PLEKHG1: variants seen among roughly 807,000 people sequenced by gnomAD.
PLEKHG1 encodes pleckstrin homology domain-containing family G member 1.
PLEKHG1 carries 44 observed loss-of-function variants against 100.8 expected under a neutral mutation model. That is an observed-to-expected ratio of 0.44 (90% confidence interval 0.34 to 0.56). The LOEUF (loss-of-function observed/expected upper bound fraction) is 0.56, where lower values mean the gene tolerates loss of function less well. Among genes scored for constraint, PLEKHG1 ranks in the 20% least tolerant of loss-of-function variants. The pLI, the probability that PLEKHG1 is intolerant of heterozygous loss-of-function variation, is 0.01. For synonymous variants in PLEKHG1, 640 were observed against 662.5 expected, an observed-to-expected ratio of 0.97 and a Z score of 0.52; for missense variants, 1,545 against 1,720.9, an observed-to-expected ratio of 0.90 and a Z score of 1.81.
chr6:150,727,267 T>C (rs1231901514), intron 1 of PLEKHG1, among the ~76,000 whole-genome samples: 1 of 152,178 alleles, frequency 6.6e-6, no homozygotes, highest in Non-Finnish European at 1.5e-5. Context: ...CTGTCTTGCC[T>C]CCTAAGTTTC....
chr6:150,665,246 A>G (rs1236666485), intron 3 of PLEKHG1, among the ~76,000 whole-genome samples: 1 of 152,070 alleles, frequency 6.6e-6, no homozygotes, highest in African/African-American at 2.4e-5. Flanking sequence ...ATTGTCACCC[A>G]CTCTTCCCCA....
At chr6:150,707,825 T>G (rs1404469599) in intron 3 of PLEKHG1, among the ~76,000 whole-genome samples, 1 of 152,094 alleles carries the variant, frequency 6.6e-6, no homozygotes, top group Non-Finnish European at 1.5e-5. Context: ...ACAGGTAAAG[T>G]CACTTTAAAA....
chr6:150,632,272 G>A lies in PLEKHG1; in HGVS notation c.-203-5808G>A, dbSNP rs569583643. On this transcript the variant is annotated intron_variant, in intron 1 of 3. Coordinates refer to the PLEKHG1 transcript ENST00000367326. ...GATTGTCTCTGGCTTACAAGTGATG[G>A]TTTTTCCTTGCTTTTCTTTATTCTC... Among the ~76,000 whole-genome samples, 6 of 152,348 alleles carry A rather than the reference G, an allele frequency of 3.9e-5. No individual in the cohort carries two copies. The East Asian group carries it at 1.2e-3, about 29-fold the overall frequency.
At chr6:150,744,220 G>A (rs1358762085) in intron 2 of PLEKHG1, among the ~76,000 whole-genome samples, 2 of 152,122 alleles carry the variant, frequency 1.3e-5, no homozygotes, top group African/African-American at 2.4e-5. Context: ...GACTACAGGT[G>A]CATGCCACCG....
At chr6:150,671,829 G>A (rs1759908560) in intron 3 of PLEKHG1, among the ~76,000 whole-genome samples, 1 of 152,232 alleles carries the variant, frequency 6.6e-6, no homozygotes, top group African/African-American at 2.4e-5. Flanking sequence ...GCAGTGAGCA[G>A]TGGGGATGGG....
At chr6:150,841,050 T>C in exon 16 of PLEKHG1, 1 of 715,080 alleles carries the variant, frequency 1.4e-6, no homozygotes, top group Non-Finnish European at 2.5e-6. Context: ...CTTTTGGAAA[T>C]GGCTGACGAT....
intron 14 of PLEKHG1, among the ~76,000 whole-genome samples, chr6:150,829,983 T>C (rs1036879584): frequency 6.6e-6 from 1 of 152,214 alleles, no homozygotes; most frequent in Non-Finnish European, 1.5e-5. Flanking sequence ...CCTTAACTTC[T>C]ATACATATTA....
intron 13 of PLEKHG1, among the ~76,000 whole-genome samples, chr6:150,822,966 C>T (rs1339280077): frequency 6.6e-6 from 1 of 152,026 alleles, no homozygotes; most frequent in East Asian, 1.9e-4. Context: ...GATGACAGAG[C>T]GAGACTCCAT....
Position 150,749,320 on chromosome 6 carries a change from C to T in PLEKHG1, c.411+15228C>T, listed in dbSNP as rs143128449. ...AGCCACTGACCAGGGTGAGATCCAGCGTGGACAGGTGTGAAGGGAAGAGCT... is the reference window on the plus strand; with the variant it reads ...AGCCACTGACCAGGGTGAGATCCAGTGTGGACAGGTGTGAAGGGAAGAGCT... On this transcript the variant is annotated intron_variant, in intron 2 of 15. Transcript: ENST00000358517. 2.0e-4 allele frequency among the ~76,000 whole-genome samples: 31 copies of T among 152,284 alleles called. No individual in the cohort carries two copies. The East Asian group carries it at 5.0e-3, about 25-fold the overall frequency.
At chr6:150,659,964 C>CA (rs1300887926) in intron 3 of PLEKHG1, among the ~76,000 whole-genome samples, 1 of 152,160 alleles carries the variant, frequency 6.6e-6, no homozygotes, top group African/African-American at 2.4e-5. Flanking sequence ...AGAAACTTCA[C>CA]ACGCATTCAT....
intron 3 of PLEKHG1, among the ~76,000 whole-genome samples, chr6:150,710,849 C>T (rs536871940): frequency 5.3e-5 from 8 of 152,226 alleles, no homozygotes; most frequent in Non-Finnish European, 1.0e-4. Flanking sequence ...CCACACATCC[C>T]TCCCTCAGGG....
intron 3 of PLEKHG1, among the ~76,000 whole-genome samples, chr6:150,693,482 A>G (rs1780423407): frequency 6.6e-6 from 1 of 152,192 alleles, no homozygotes; most frequent in African/African-American, 2.4e-5. Flanking sequence ...CAGTGATTCA[A>G]ATTGCCCTTG....
At chr6:150,722,557 T>A (rs1781753702) in intron 1 of PLEKHG1, among the ~76,000 whole-genome samples, 1 of 152,086 alleles carries the variant, frequency 6.6e-6, no homozygotes, top group Admixed American at 6.5e-5. Context: ...TTTCACCATG[T>A]TAGCCAGGCT....
intron 3 of PLEKHG1, among the ~76,000 whole-genome samples, chr6:150,698,754 T>C (rs1780651125): frequency 6.6e-6 from 1 of 152,230 alleles, no homozygotes; most frequent in African/African-American, 2.4e-5. Flanking sequence ...GGGTTTAGAA[T>C]CTGTGTATTT....
intron 14 of PLEKHG1, among the ~76,000 whole-genome samples, chr6:150,825,790 C>G (rs747111949): frequency 9.9e-5 from 15 of 152,184 alleles, no homozygotes; most frequent in Admixed American, 3.3e-4. Context: ...ACTTAGTTTC[C>G]TAATTTACAG....
intron 3 of PLEKHG1, among the ~76,000 whole-genome samples, chr6:150,690,974 C>T (rs1343735429): frequency 6.6e-6 from 1 of 152,164 alleles, no homozygotes; most frequent in African/African-American, 2.4e-5. Flanking sequence ...CATAGTCCTC[C>T]CTCATCTGGA....
chr6:150,710,622 C>T (rs905362290), intron 3 of PLEKHG1, among the ~76,000 whole-genome samples: 4 of 151,844 alleles, frequency 2.6e-5, no homozygotes, highest in South Asian at 2.1e-4. Context: ...AATAAAGGGG[C>T]GTTGTTGCAG....
intron 10 of PLEKHG1, among the ~76,000 whole-genome samples, chr6:150,813,633 A>G (rs554836335): frequency 2.8e-4 from 43 of 152,284 alleles, no homozygotes; most frequent in Non-Finnish European, 4.7e-4. Context: ...GAGGGACTGC[A>G]GTATTGTCAT....
At chr6:150,727,180 T>C (rs529528293) in intron 1 of PLEKHG1, among the ~76,000 whole-genome samples, 2 of 152,290 alleles carry the variant, frequency 1.3e-5, no homozygotes, top group Admixed American at 1.3e-4. Flanking sequence ...TCAGACTAGG[T>C]ATTTGATGTC....
Sources: allele counts gnomAD v4.1 joint callset (sites outside exome capture counted in the v4.1 genomes callset), GRCh38; gene constraint gnomAD v4.1.1; transcripts MANE v1.5; gene names NCBI Gene and HGNC (gene_info 2026-07-23, HGNC 2026-07-21).